Variants in CDH18 observed in about 807,000 individuals in gnomAD.
CDH18 encodes the protein cadherin 18.
A neutral mutation model predicts 67.9 loss-of-function variants in CDH18; 31 were observed. The observed-to-expected ratio is 0.46, with a 90% CI of 0.34 to 0.62. The LOEUF is 0.62. Among genes scored for constraint, CDH18 ranks in the 20% least tolerant of loss-of-function variants. The pLI is 0.01. For missense variants in CDH18, 890 were observed against 975.5 expected, an observed-to-expected ratio of 0.91 and a Z score of 1.17; for synonymous variants, 362 against 347.2, an observed-to-expected ratio of 1.04 and a Z score of -0.48.
chr5:19,802,959 C>A (rs1057218231), intron 3 of CDH18, among the ~76,000 whole-genome samples: 2 of 152,242 alleles, frequency 1.3e-5, no homozygotes, highest in African/African-American at 2.4e-5. Flanking sequence ...GCTATTCAGC[C>A]TCCCTCGGTT....
At chr5:19,879,612 T>C (rs1418823361) in intron 2 of CDH18, among the ~76,000 whole-genome samples, 1 of 152,034 alleles carries the variant, frequency 6.6e-6, no homozygotes, top group Non-Finnish European at 1.5e-5. Context: ...ATTAAAATAA[T>C]TGGAACAACA....
At chr5:19,916,863 C>A (rs1791853558) in intron 2 of CDH18, among the ~76,000 whole-genome samples, 1 of 152,050 alleles carries the variant, frequency 6.6e-6, no homozygotes, top group Admixed American at 6.6e-5. Flanking sequence ...AAATTTGCTG[C>A]TAAGATTCTG....
At chr5:19,789,965 A>G (rs570639647) in intron 3 of CDH18, among the ~76,000 whole-genome samples, 5 of 152,116 alleles carry the variant, frequency 3.3e-5, no homozygotes, top group East Asian at 3.9e-4. Flanking sequence ...ATCACAAGTA[A>G]ACATAATTAC....
At chr5:19,609,481 C>G (rs1299674173) in intron 6 of CDH18, among the ~76,000 whole-genome samples, 1 of 151,954 alleles carries the variant, frequency 6.6e-6, no homozygotes, top group African/African-American at 2.4e-5. Flanking sequence ...TCCTAAGCTA[C>G]TGAGTTTGTA....
At chr5:19,845,086 A>T (rs1320657663) in intron 2 of CDH18, among the ~76,000 whole-genome samples, 3 of 152,178 alleles carry the variant, frequency 2.0e-5, no homozygotes, top group Non-Finnish European at 2.9e-5. Context: ...TGTCTCTTAA[A>T]CATTTTCAGC....
intron 8 of CDH18, among the ~76,000 whole-genome samples, chr5:19,555,780 C>T (rs1028528568): frequency 6.6e-6 from 1 of 152,152 alleles, no homozygotes; most frequent in Non-Finnish European, 1.5e-5. Context: ...CTGATGTGCT[C>T]TTGAAAGCAC....
intron 1 of CDH18, among the ~76,000 whole-genome samples, chr5:20,397,108 TTTTG>T (rs1264667885): frequency 6.6e-6 from 1 of 152,010 alleles, no homozygotes; most frequent in Non-Finnish European, 1.5e-5. Context: ...CACACATGTT[TTTTG>T]TTTTTGTTTT....
chr5:19,884,612 A>C (rs1448234815), intron 2 of CDH18, among the ~76,000 whole-genome samples: 2 of 151,962 alleles, frequency 1.3e-5, no homozygotes, highest in Non-Finnish European at 2.9e-5. Context: ...GAAATAAATA[A>C]TATAAATGTT....
intron 8 of CDH18, among the ~76,000 whole-genome samples, chr5:19,569,028 C>T (rs1417406090): frequency 6.6e-6 from 1 of 152,168 alleles, no homozygotes; most frequent in East Asian, 1.9e-4. Context: ...ATTTCTCCCC[C>T]TTGGCCTACC....
Position 19,735,032 on chromosome 5 carries a change from G to A in CDH18, c.523+11910C>T, listed in dbSNP as rs928467755. 1.7e-4 allele frequency among the ~76,000 whole-genome samples: 26 copies of A among 152,182 alleles called. 1 individual carries two copies. Among genetic ancestry groups the A allele is most frequent in the Non-Finnish European group, 1.0e-4 (7 of 68,042 alleles). Reference sequence around the variant, plus strand: ...CTGTCCTCCCTCGGAGGCAAATGCTGCTGAGTCACTACCCTCCATAACACA... The same window carrying A: ...CTGTCCTCCCTCGGAGGCAAATGCTACTGAGTCACTACCCTCCATAACACA... On this transcript the variant is annotated intron_variant, in intron 4 of 12. Coordinates refer to ENST00000382275, the MANE Select transcript of CDH18 (RefSeq NM_004934.5).
At chr5:20,486,080 GAGA>G (rs1753153300) in intron 1 of CDH18, among the ~76,000 whole-genome samples, 2 of 152,308 alleles carry the variant, frequency 1.3e-5, no homozygotes, top group South Asian at 4.1e-4. Flanking sequence ...CGTGGATATA[GAGA>G]AGAACTTTTC....
intron 1 of CDH18, among the ~76,000 whole-genome samples, chr5:20,301,755 C>G (rs1735933056): frequency 6.6e-6 from 1 of 151,096 alleles, no homozygotes; most frequent in African/African-American, 2.4e-5. Flanking sequence ...TCTTCCCCTC[C>G]ACACCAGAAA....
chr5:19,748,261 C>T (rs1770390462), intron 3 of CDH18, among the ~76,000 whole-genome samples: 1 of 149,022 alleles, frequency 6.7e-6, no homozygotes, highest in Non-Finnish European at 1.5e-5. Flanking sequence ...AATACAGTAA[C>T]AAATCTACAC....
At chr5:19,721,639 C>T (rs184948942) in intron 4 of CDH18, among the ~76,000 whole-genome samples, 173 bp from the exon 5 acceptor site, 6 of 152,204 alleles carry the variant, frequency 3.9e-5, no homozygotes, top group African/African-American at 1.4e-4. Flanking sequence ...TCCCTGTCAT[C>T]GACTGTAATG....
intron 2 of CDH18, among the ~76,000 whole-genome samples, chr5:20,197,426 T>C (rs1039594826): frequency 2.6e-5 from 4 of 152,214 alleles, no homozygotes; most frequent in African/African-American, 9.6e-5. Context: ...TTTCTAAATA[T>C]AAAAATTAAA....
intron 1 of CDH18, among the ~76,000 whole-genome samples, chr5:20,450,108 C>A (rs559757793): frequency 6.6e-6 from 1 of 151,824 alleles, no homozygotes; most frequent in Non-Finnish European, 1.5e-5. Flanking sequence ...GAGGCTGAGG[C>A]GGGTGGATCA....
intron 1 of CDH18, among the ~76,000 whole-genome samples, chr5:20,265,178 T>A (rs1744938633): frequency 6.6e-6 from 1 of 152,160 alleles, no homozygotes; most frequent in African/African-American, 2.4e-5. Flanking sequence ...CTAATATTTA[T>A]GTCCTTTTCT....
rs527925614 is a variant in CDH18 at position 19,691,177 on chromosome 5, A to G, written c.643+30170T>C. Among the ~76,000 whole-genome samples, 8 of 35,960 alleles carry G rather than the reference A, an allele frequency of 2.2e-4. No individual in the cohort carries two copies. The East Asian group carries it at 0.02, about 92-fold the overall frequency. 23.6% of individuals were successfully genotyped at this position (35,960 alleles called of 152,430 possible). On this transcript the variant is annotated intron_variant, in intron 5 of 12. Transcript: ENST00000382275. ...CAATAACAGAAGGAAGGACAAAAAC[A>G]GAGAGTCACATAAGAGGAATTTGAT...
intron 2 of CDH18, among the ~76,000 whole-genome samples, chr5:20,143,421 G>A (rs1483603562): frequency 1.3e-5 from 2 of 151,964 alleles, no homozygotes; most frequent in Non-Finnish European, 2.9e-5. Context: ...AGGCTGGAGT[G>A]CAGTGACACA....
Sources: gnomAD v4.1 joint callset for allele counts (sites outside exome capture counted in the v4.1 genomes callset) on GRCh38, gnomAD v4.1.1 for gene constraint, MANE v1.5 for transcripts, NCBI Gene and HGNC (gene_info 2026-07-23, HGNC 2026-07-21) for gene names.